Variants in SLC5A4 observed in about 807,000 individuals in gnomAD.
SLC5A4 encodes probable glucose sensor protein SLC5A4.
A neutral mutation model predicts 70.3 loss-of-function variants in SLC5A4; 55 were observed. The observed-to-expected ratio is 0.78, with a 90% CI of 0.63 to 0.98. SLC5A4 has a LOEUF of 0.98. SLC5A4 is among the 50% of genes least tolerant of loss of function. The probability of loss-of-function intolerance (pLI) is 0.00; values close to 1 mark genes in which losing one functional copy is unlikely to be tolerated. For synonymous variants in SLC5A4, 268 were observed against 305.7 expected, an observed-to-expected ratio of 0.88 and a Z score of 1.29; for missense variants, 735 against 839.2, an observed-to-expected ratio of 0.88 and a Z score of 1.53.
At chr22:32,325,288 C>A in the SLC5A4 span, among the ~76,000 whole-genome samples, 1,133 of 152,360 alleles carry the variant, frequency 7.4e-3, 7 homozygotes, top group South Asian at 0.017. Flanking sequence ...GGAGCCACAC[C>A]AGGACCCCAA....
the SLC5A4 span, among the ~76,000 whole-genome samples, chr22:32,350,703 C>T: frequency 1.3e-5 from 2 of 151,924 alleles, no homozygotes; most frequent in African/African-American, 2.4e-5. Context: ...AATTTAGACA[C>T]GTCTTCAAAA....
chr22:32,227,671 C>G (rs1925482591), intron 11 of SLC5A4, among the ~76,000 whole-genome samples: 1 of 152,160 alleles, frequency 6.6e-6, no homozygotes, highest in Admixed American at 6.5e-5. Flanking sequence ...GTGGGGATGG[C>G]TCACACCTGT....
the SLC5A4 span, among the ~76,000 whole-genome samples, chr22:32,336,248 G>A: frequency 5.9e-5 from 9 of 152,122 alleles, no homozygotes; most frequent in Non-Finnish European, 1.0e-4. Context: ...CAGCTCAGAG[G>A]GTGATTAAGT....
chr22:32,272,116 C>T, the SLC5A4 span: 18 of 666,770 alleles, frequency 2.7e-5, no homozygotes, highest in East Asian at 5.3e-5. Context: ...AAGACAGTGT[C>T]GCTGCAGCAA....
intron 2 of SLC5A4, among the ~76,000 whole-genome samples, chr22:32,252,664 A>T (rs1927241387): frequency 6.6e-6 from 1 of 152,086 alleles, no homozygotes; most frequent in Non-Finnish European, 1.5e-5. Flanking sequence ...AATCTACTAA[A>T]ATGCTCTGAG....
chr22:32,254,917 AAAT>A (rs1213886467), intron 1 of SLC5A4, among the ~76,000 whole-genome samples: 2 of 152,238 alleles, frequency 1.3e-5, no homozygotes, highest in African/African-American at 4.8e-5. Context: ...AAAGCGAAAG[AAAT>A]GCGATAATAA....
chr22:32,316,223 T>C, the SLC5A4 span, among the ~76,000 whole-genome samples: 1 of 151,572 alleles, frequency 6.6e-6, no homozygotes, highest in Non-Finnish European at 1.5e-5. Flanking sequence ...ACTTTAAAAA[T>C]AGTTAAAATG....
At chr22:32,256,528 T>C (rs1385498323), upstream of SLC5A4, among the ~76,000 whole-genome samples, 1 of 152,142 alleles carries the variant, frequency 6.6e-6, no homozygotes, top group Admixed American at 6.5e-5. Flanking sequence ...TCCAGAACTT[T>C]TTCATCATCT....
At chr22:32,269,711 C>T in the SLC5A4 span, 5 of 616,876 alleles carry the variant, frequency 8.1e-6, no homozygotes, top group Admixed American at 9.5e-5. The surrounding 1 kb of genome is among the most constrained non-coding windows in gnomAD (Gnocchi z 4.1). Context: ...TGGCTCTCAG[C>T]AGCCTCACCA....
upstream of SLC5A4, chr22:32,255,456 C>G (rs903285223): frequency 1.6e-5 from 16 of 1,008,524 alleles, no homozygotes; most frequent in Middle Eastern, 3.3e-4. Context: ...GACCTTTAAA[C>G]CTCTTCTCCA....
the SLC5A4 span, among the ~76,000 whole-genome samples, chr22:32,306,614 A>C: frequency 6.6e-6 from 1 of 152,174 alleles, no homozygotes; most frequent in Non-Finnish European, 1.5e-5. Flanking sequence ...GCCTGCTCAC[A>C]TGAAGCCAGA....
At chr22:32,253,100 C>T (rs1927268385) in intron 2 of SLC5A4, among the ~76,000 whole-genome samples, 1 of 152,210 alleles carries the variant, frequency 6.6e-6, no homozygotes, top group Non-Finnish European at 1.5e-5. Flanking sequence ...TTTCAAACTT[C>T]CAGTTGTTCT....
At chr22:32,306,465 CAAA>C in the SLC5A4 span, among the ~76,000 whole-genome samples, 7 of 135,794 alleles carry the variant, frequency 5.2e-5, no homozygotes, top group African/African-American at 7.8e-5. Flanking sequence ...GACTCGGTCT[CAAA>C]AAAAAAAAAC....
At chr22:32,336,962 C>G in the SLC5A4 span, among the ~76,000 whole-genome samples, 1 of 152,236 alleles carries the variant, frequency 6.6e-6, no homozygotes, top group Non-Finnish European at 1.5e-5. Context: ...TGCATCCATA[C>G]AATGAACACG....
At chr22:32,224,617 G>A (rs1378091914) in intron 12 of SLC5A4, 135 bp from the exon 13 acceptor site, 11 of 681,776 alleles carry the variant, frequency 1.6e-5, no homozygotes, top group Admixed American at 5.4e-5. Context: ...CAAGGTTACC[G>A]ACATAGAGAA....
At chr22:32,232,723 G>A (rs890183611) in intron 9 of SLC5A4, among the ~76,000 whole-genome samples, 176 bp downstream of exon 9, 2 of 152,050 alleles carry the variant, frequency 1.3e-5, no homozygotes, top group African/African-American at 4.8e-5. Flanking sequence ...AAGGAACAGA[G>A]CGTCCAATAT....
At chr22:32,286,911 A>G in the SLC5A4 span, among the ~76,000 whole-genome samples, 1 of 152,210 alleles carries the variant, frequency 6.6e-6, no homozygotes, top group Non-Finnish European at 1.5e-5. Context: ...CAGGATTGAC[A>G]ACACCATTGA....
At chr22:32,350,834 G>A in the SLC5A4 span, among the ~76,000 whole-genome samples, 1 of 150,110 alleles carries the variant, frequency 6.7e-6, no homozygotes, top group Non-Finnish European at 1.5e-5. Flanking sequence ...TTGTTGGCTT[G>A]AAAAAAATGA....
At chr22:32,331,558 G>C in the SLC5A4 span, among the ~76,000 whole-genome samples, 3 of 152,106 alleles carry the variant, frequency 2.0e-5, no homozygotes, top group African/African-American at 7.2e-5. Flanking sequence ...AGAAGCTGGC[G>C]GGCAACCCAG....
Sources: gnomAD v4.1 joint callset for allele counts (sites outside exome capture counted in the v4.1 genomes callset) on GRCh38, gnomAD v4.1.1 for gene constraint, Gnocchi (gnomAD v3.1) non-coding constraint, MANE v1.5 for transcripts, NCBI Gene and HGNC (gene_info 2026-07-23, HGNC 2026-07-21) for gene names.